FNIP1: variants seen among roughly 807,000 people sequenced by gnomAD.
The protein encoded by FNIP1 is folliculin interacting protein 1, also known as folliculin-interacting protein 1.
Under a neutral mutation model 124.5 loss-of-function variants are expected in FNIP1, and 40 were observed. The ratio of observed to expected loss-of-function variants is 0.32; its 90% confidence interval spans 0.25 to 0.42. FNIP1 has a LOEUF of 0.42. Ranked by LOEUF, FNIP1 falls within the 10% of genes least tolerant of loss-of-function variation. The pLI is 1.00. For missense variants in FNIP1, 1,176 were observed against 1,403.7 expected, an observed-to-expected ratio of 0.84 and a Z score of 2.59; for synonymous variants, 472 against 470.6, an observed-to-expected ratio of 1.00 and a Z score of -0.04.
intron 13 of FNIP1, among the ~76,000 whole-genome samples, chr5:131,673,223 A>ATT (rs1347623845): frequency 2.2e-5 from 3 of 136,528 alleles, no homozygotes; most frequent in Non-Finnish European, 3.2e-5. Flanking sequence ...AATTTTTTGT[A>ATT]TTTTTTTTTT....
chr5:131,730,109 G>A (rs963418621), intron 3 of FNIP1, among the ~76,000 whole-genome samples: 1 of 152,124 alleles, frequency 6.6e-6, no homozygotes, highest in Admixed American at 6.6e-5. Flanking sequence ...TCATGATGGT[G>A]TTGTATAGCA....
intron 1 of FNIP1, among the ~76,000 whole-genome samples, chr5:131,776,662 A>C (rs572504121): frequency 6.6e-6 from 1 of 152,342 alleles, no homozygotes; most frequent in South Asian, 2.1e-4. Context: ...CTTCCACATC[A>C]CATATACTAA....
intron 15 of FNIP1, among the ~76,000 whole-genome samples, chr5:131,654,427 GT>G: frequency 6.6e-6 from 1 of 152,134 alleles, no homozygotes; most frequent in Non-Finnish European, 1.5e-5. Flanking sequence ...AAGGACAAAA[GT>G]TTACTCCTGG....
At chr5:131,704,419 T>C (rs1769008772) in intron 9 of FNIP1, among the ~76,000 whole-genome samples, 153 bp from the exon 10 acceptor site, 1 of 152,216 alleles carries the variant, frequency 6.6e-6, no homozygotes, top group African/African-American at 2.4e-5. Flanking sequence ...CTTTAAGAAA[T>C]CTACTGGCTA....
chr5:131,760,191 C>T (rs563415265), intron 1 of FNIP1, among the ~76,000 whole-genome samples: 1 of 151,998 alleles, frequency 6.6e-6, no homozygotes, highest in Admixed American at 6.6e-5. Context: ...ATATAATATG[C>T]CCATGTAACA....
Position 131,651,107 on chromosome 5 carries a change from T to C in FNIP1, c.3306+695A>G, listed in dbSNP as rs1206329321. On this transcript the variant is annotated intron_variant, in intron 16 of 17. Transcript: ENST00000510461. ...GGATTAAAAAAAAAAAACAGATATA[T>C]AGCTGGGAATGGTGGCTCATGCCTG... 3.3e-5 allele frequency among the ~76,000 whole-genome samples: 5 copies of C among 151,144 alleles called. No individual in the cohort carries two copies. In the East Asian group the frequency reaches 9.7e-4, roughly 29 times the overall value.
intron 1 of FNIP1, among the ~76,000 whole-genome samples, chr5:131,760,495 T>C (rs1160020457): frequency 6.6e-6 from 1 of 152,194 alleles, no homozygotes; most frequent in African/African-American, 2.4e-5. Context: ...CTTCTCTTTC[T>C]CTACCCTTAT....
intron 6 of FNIP1, among the ~76,000 whole-genome samples, chr5:131,713,689 A>T (rs938367897): frequency 6.6e-6 from 1 of 152,212 alleles, no homozygotes; most frequent in Non-Finnish European, 1.5e-5. Context: ...TCCCTTAGTG[A>T]ATAGCACCAA....
intron 3 of FNIP1, among the ~76,000 whole-genome samples, chr5:131,729,840 G>A (rs953060080): frequency 5.3e-5 from 8 of 152,076 alleles, no homozygotes; most frequent in Admixed American, 3.3e-4. Context: ...CCGCCTCCCA[G>A]GTTCAAGCAA....
chr5:131,768,951 G>C (rs976911594), intron 1 of FNIP1, among the ~76,000 whole-genome samples: 23 of 152,024 alleles, frequency 1.5e-4, no homozygotes, highest in African/African-American at 4.3e-4. Context: ...AATAAATTCA[G>C]GTCCATGTCA....
chr5:131,772,204 T>C (rs990947650), intron 1 of FNIP1, among the ~76,000 whole-genome samples: 5 of 152,032 alleles, frequency 3.3e-5, no homozygotes, highest in African/African-American at 1.2e-4. Context: ...AAGGCCAAAC[T>C]GTAGGGATAA....
chr5:131,664,634 CAAAAAAAAAAAAA>C (rs33956526), intron 15 of FNIP1, among the ~76,000 whole-genome samples: 1 of 77,456 alleles, frequency 1.3e-5, no homozygotes, highest in African/African-American at 5.3e-5. Flanking sequence ...GACCCTGTCT[CAAAAAAAAAAAAA>C]AAAAAAAAGA....
chr5:131,673,695 C>G (rs1767832415), intron 13 of FNIP1, among the ~76,000 whole-genome samples: 1 of 152,130 alleles, frequency 6.6e-6, no homozygotes, highest in South Asian at 2.1e-4. Flanking sequence ...TAAAATGGAG[C>G]AAAGCTATAG....
At chr5:131,705,108 A>G (rs1321597339) in intron 9 of FNIP1, among the ~76,000 whole-genome samples, 1 of 152,140 alleles carries the variant, frequency 6.6e-6, no homozygotes, top group African/African-American at 2.4e-5. Context: ...AAATGCAGTT[A>G]TAATATGGGC....
At chr5:131,648,949 G>A (rs1766968276) in intron 16 of FNIP1, among the ~76,000 whole-genome samples, 1 of 152,128 alleles carries the variant, frequency 6.6e-6, no homozygotes, top group African/African-American at 2.4e-5. Context: ...TTAGCATAAT[G>A]CTTATGAGGT....
intron 1 of FNIP1, among the ~76,000 whole-genome samples, chr5:131,762,515 C>G (rs1049416134): frequency 6.6e-6 from 1 of 152,166 alleles, no homozygotes; most frequent in Non-Finnish European, 1.5e-5. Context: ...TACCACTGAT[C>G]ATCAGAGAAA....
chr5:131,731,155 T>A, intron 2 of FNIP1, 117 bp from the exon 3 acceptor site: 2 of 847,382 alleles, frequency 2.4e-6, no homozygotes, highest in South Asian at 4.0e-5. Context: ...AATACAACAT[T>A]AATATGGCTA....
intron 1 of FNIP1, among the ~76,000 whole-genome samples, chr5:131,748,652 G>A (rs952366595): frequency 7.1e-6 from 1 of 141,772 alleles, no homozygotes; most frequent in Non-Finnish European, 1.5e-5. Context: ...AGCCAAGATT[G>A]CGCCACTGCA....
At chr5:131,678,522 C>T (rs1460147301) in intron 12 of FNIP1, among the ~76,000 whole-genome samples, 2 of 152,204 alleles carry the variant, frequency 1.3e-5, no homozygotes, top group Non-Finnish European at 2.9e-5. Context: ...ATTCTCCCGT[C>T]TCAGCCTCCC....
Sources: allele counts gnomAD v4.1 joint callset (sites outside exome capture counted in the v4.1 genomes callset), GRCh38; gene constraint gnomAD v4.1.1; transcripts MANE v1.5; gene names NCBI Gene and HGNC (gene_info 2026-07-23, HGNC 2026-07-21).